Variants in SGCZ observed in about 807,000 individuals in gnomAD.
SGCZ encodes the protein sarcoglycan zeta.
SGCZ carries 40 observed loss-of-function variants against 41.3 expected under a neutral mutation model. The observed-to-expected ratio is 0.97, with a 90% CI of 0.75 to 1.26. The LOEUF is 1.26. Ranked by LOEUF, SGCZ falls within the 50% of genes most tolerant of loss-of-function variation. SGCZ has a pLI of 0.00. For missense variants in SGCZ, 552 were observed against 369.8 expected (o/e 1.49, Z -4.04); for synonymous variants, 206 against 137.5 (o/e 1.50, Z -3.49).
chr8:14,550,270 A>T (rs537194508), intron 2 of SGCZ, among the ~76,000 whole-genome samples: 1 of 151,512 alleles, frequency 6.6e-6, no homozygotes, highest in Non-Finnish European at 1.5e-5. Flanking sequence ...TAAAAACAAT[A>T]TAATGGTTGA....
At chr8:14,418,811 A>G (rs149534645) in intron 2 of SGCZ, among the ~76,000 whole-genome samples, 424 of 152,124 alleles carry the variant, frequency 2.8e-3, no homozygotes, top group African/African-American at 8.0e-3. Context: ...CTATTGCTAT[A>G]CATAGTCCAA....
At chr8:15,174,653 C>A (rs1235526731) in intron 1 of SGCZ, among the ~76,000 whole-genome samples, 2 of 152,222 alleles carry the variant, frequency 1.3e-5, no homozygotes, top group African/African-American at 4.8e-5. Context: ...ACAACCCTTC[C>A]CTAACATTAA....
intron 1 of SGCZ, among the ~76,000 whole-genome samples, chr8:14,557,327 A>G (rs773766717): frequency 6.6e-6 from 1 of 151,272 alleles, no homozygotes; most frequent in African/African-American, 2.4e-5. Context: ...TTTGGATAGT[A>G]GTCTTTTGTT....
At chr8:14,418,631 C>T (rs1349484136) in intron 2 of SGCZ, among the ~76,000 whole-genome samples, 1 of 151,844 alleles carries the variant, frequency 6.6e-6, no homozygotes, top group Non-Finnish European at 1.5e-5. Context: ...TAATTATCAA[C>T]AACAAGGTAA....
intron 1 of SGCZ, among the ~76,000 whole-genome samples, chr8:14,715,653 G>A (rs182139236): frequency 1.9e-4 from 29 of 152,074 alleles, no homozygotes; most frequent in Non-Finnish European, 3.5e-4. Flanking sequence ...TAATTCCTAA[G>A]GAAAAGCCTA....
At chr8:14,491,679 G>A (rs887185487) in intron 2 of SGCZ, among the ~76,000 whole-genome samples, 15 of 152,116 alleles carry the variant, frequency 9.9e-5, no homozygotes, top group African/African-American at 3.1e-4. Flanking sequence ...ACATCTTACG[G>A]AAAAGAAGAC....
intron 1 of SGCZ, among the ~76,000 whole-genome samples, chr8:15,015,953 A>G (rs934645086): frequency 3.3e-5 from 5 of 151,798 alleles, no homozygotes; most frequent in Admixed American, 3.3e-4. Context: ...CCTGACATGT[A>G]TGGACTAATA....
chr8:15,208,965 T>G (rs1413754159), intron 1 of SGCZ, among the ~76,000 whole-genome samples: 1 of 151,928 alleles, frequency 6.6e-6, no homozygotes, highest in Non-Finnish European at 1.5e-5. Context: ...CATTTTTTCA[T>G]AAATTACTGC....
chr8:14,998,029 G>C (rs916223408), intron 1 of SGCZ, among the ~76,000 whole-genome samples: 2 of 152,084 alleles, frequency 1.3e-5, no homozygotes, highest in African/African-American at 4.8e-5. Flanking sequence ...CAACTTCCCA[G>C]TGGTGTTCCT....
intron 1 of SGCZ, among the ~76,000 whole-genome samples, chr8:14,748,956 T>C (rs1391281582): frequency 2.0e-5 from 3 of 152,164 alleles, no homozygotes; most frequent in Non-Finnish European, 4.4e-5. Context: ...GAAATATACA[T>C]ATTTATAATC....
At chr8:14,795,142 T>C (rs1801082636) in intron 1 of SGCZ, among the ~76,000 whole-genome samples, 1 of 152,128 alleles carries the variant, frequency 6.6e-6, no homozygotes, top group Non-Finnish European at 1.5e-5. Flanking sequence ...AAAATCAAAA[T>C]GGATGATTGA....
At chr8:15,041,708 A>G (rs185635344) in intron 1 of SGCZ, among the ~76,000 whole-genome samples, 1 of 152,292 alleles carries the variant, frequency 6.6e-6, no homozygotes, top group East Asian at 1.9e-4. Context: ...ATACACACAT[A>G]TACATGCACA....
At chr8:14,253,325 G>A (rs1209216096) in intron 3 of SGCZ, among the ~76,000 whole-genome samples, 2 of 151,574 alleles carry the variant, frequency 1.3e-5, no homozygotes, top group Non-Finnish European at 2.9e-5. Flanking sequence ...TGAATTGCCA[G>A]ATCTTACGTG....
intron 3 of SGCZ, among the ~76,000 whole-genome samples, chr8:14,287,144 T>TG (rs398112235): frequency 1.3e-5 from 2 of 151,368 alleles, no homozygotes; most frequent in African/African-American, 2.4e-5. Context: ...CAGTATTTTT[T>TG]AAAGCATATT....
chr8:14,160,830 TTA>T (rs1196325195), intron 5 of SGCZ, among the ~76,000 whole-genome samples: 1 of 152,150 alleles, frequency 6.6e-6, no homozygotes, highest in Non-Finnish European at 1.5e-5. Context: ...CTGTGAATCA[TTA>T]TAGTCATAAC....
chr8:14,340,716 T>G (rs1802673126), intron 2 of SGCZ, among the ~76,000 whole-genome samples: 1 of 152,154 alleles, frequency 6.6e-6, no homozygotes, highest in Non-Finnish European at 1.5e-5. Flanking sequence ...CTAGAAAATC[T>G]CTGATAAATA....
At chr8:14,128,472 C>A (rs1475563851) in intron 5 of SGCZ, among the ~76,000 whole-genome samples, 1 of 152,146 alleles carries the variant, frequency 6.6e-6, no homozygotes, top group Non-Finnish European at 1.5e-5. Flanking sequence ...TTACTACAAC[C>A]TCTATGGAAA....
At chr8:14,370,749 T>C (rs2117160373) in intron 2 of SGCZ, among the ~76,000 whole-genome samples, 1 of 152,010 alleles carries the variant, frequency 6.6e-6, no homozygotes, top group African/African-American at 2.4e-5. Context: ...AGGATCTAGC[T>C]CAAAGGTTAG....
At chr8:14,747,690 T>TATTATTATTATG (rs1436311134) in intron 1 of SGCZ, among the ~76,000 whole-genome samples, 96 of 133,542 alleles carry the variant, frequency 7.2e-4, no homozygotes, top group African/African-American at 2.4e-3. Context: ...TTATTATTAT[T>TATTATTATTATG]ATGTGTGTGT....
Sources: gnomAD v4.1 joint callset for allele counts (sites outside exome capture counted in the v4.1 genomes callset) on GRCh38, gnomAD v4.1.1 for gene constraint, MANE v1.5 for transcripts, NCBI Gene and HGNC (gene_info 2026-07-23, HGNC 2026-07-21) for gene names.